LMO1: variants seen among roughly 807,000 people sequenced by gnomAD.
LMO1 encodes the protein rhombotin-1.
Under a neutral mutation model 18.0 loss-of-function variants are expected in LMO1, and 10 were observed. That is an observed-to-expected ratio of 0.55 (90% CI 0.34 to 0.94). LMO1 has a LOEUF of 0.94. Ranked by LOEUF, LMO1 falls within the 40% of genes least tolerant of loss-of-function variation. LMO1 has a pLI of 0.02. For missense variants in LMO1, 183 were observed against 205.7 expected (o/e 0.89, Z 0.68); for synonymous variants, 77 against 77.9 (o/e 0.99, Z 0.06).
rs1438623847 is a variant in LMO1 at position 8,224,456 on chromosome 11, TGGA to T, written c.*157_*159del. 1 of 590,378 alleles carries T rather than the reference TGGA, an allele frequency of 1.7e-6. No homozygotes were observed. 36.6% of individuals were successfully genotyped at this position (590,378 alleles called of 1,614,324 possible). On this transcript the variant is annotated 3_prime_UTR_variant, in exon 4 of 4. Coordinates refer to ENST00000335790, the MANE Select transcript of LMO1 (RefSeq NM_002315.3). ...GGGGTCACACACAGACGGGCGGTGGTGGAGGAGGAAGGGCCATCCCTCCCATCG... is the reference window on the plus strand; with the variant it reads ...GGGGTCACACACAGACGGGCGGTGGTGGAGGAAGGGCCATCCCTCCCATCG...
upstream of LMO1, among the ~76,000 whole-genome samples, chr11:8,266,512 C>T (rs1020301926): frequency 2.0e-5 from 3 of 152,180 alleles, no homozygotes; most frequent in Admixed American, 6.5e-5. Context: ...ACTCTCACTT[C>T]GACAAGCCAA....
At chr11:8,246,270 C>T (rs1846892413) in intron 1 of LMO1, among the ~76,000 whole-genome samples, 1 of 152,078 alleles carries the variant, frequency 6.6e-6, no homozygotes, top group Non-Finnish European at 1.5e-5. Flanking sequence ...CTCACAACAG[C>T]CAAAAAACAG....
At chr11:8,246,144 G>A (rs1846889609) in intron 1 of LMO1, among the ~76,000 whole-genome samples, 2 of 152,106 alleles carry the variant, frequency 1.3e-5, no homozygotes, top group African/African-American at 4.8e-5. Flanking sequence ...GAGATTTGGA[G>A]GGGACAAACA....
At chr11:8,229,344 G>C (rs1309672053) in intron 2 of LMO1, among the ~76,000 whole-genome samples, 1 of 152,156 alleles carries the variant, frequency 6.6e-6, no homozygotes, top group African/African-American at 2.4e-5. Context: ...GGGGAATTGA[G>C]GGAGCTTCCA....
chr11:8,241,792 AAAAAAAAAC>A (rs916653668), intron 1 of LMO1, among the ~76,000 whole-genome samples: 3 of 152,026 alleles, frequency 2.0e-5, no homozygotes, highest in African/African-American at 4.8e-5. Context: ...GTTTCAAAAA[AAAAAAAAAC>A]AAAAAAAAGT....
chr11:8,236,636 C>A (rs373280023), intron 1 of LMO1, among the ~76,000 whole-genome samples: 2 of 152,052 alleles, frequency 1.3e-5, no homozygotes, highest in Admixed American at 1.3e-4. Context: ...AGCATGCAGA[C>A]ACTCGCCACA....
chr11:8,268,392 C>A, upstream of LMO1: 3 of 1,460,862 alleles, frequency 2.1e-6, no homozygotes, highest in Non-Finnish European at 2.7e-6. Context: ...GTCCCGCGTG[C>A]CCCCGGGCAC....
intron 1 of LMO1, among the ~76,000 whole-genome samples, chr11:8,235,866 C>T (rs545896114): frequency 3.3e-5 from 5 of 152,346 alleles, no homozygotes; most frequent in South Asian, 2.1e-4. Context: ...CTAAGGGCCA[C>T]AGCAAAACGT....
chr11:8,229,232 C>G (rs1358633112), intron 2 of LMO1, among the ~76,000 whole-genome samples: 1 of 152,192 alleles, frequency 6.6e-6, no homozygotes. Context: ...AGCCTCTCCC[C>G]TCCAGCCCTG....
rs1847226131 is a variant in LMO1 at position 8,263,490 on chromosome 11, T to C, written c.-128A>G. 25 of 1,486,666 alleles carry C rather than the reference T, an allele frequency of 1.7e-5. No homozygotes were observed. Among genetic ancestry groups the C allele is most frequent in the Non-Finnish European group, 2.1e-5 (24 of 1,125,048 alleles). The allele number at this position is 1,486,666 out of a possible 1,614,324, so 92.1% of individuals were successfully genotyped here. A position where few individuals can be genotyped will look rare whatever the true frequency, so the allele number is the denominator to read the frequency against. ...CTCTAATTACCCGCTTGTCCGGCTC[T>C]TAACCTAGATTGCACTCAGCTAGAA... On this transcript the variant is annotated 5_prime_UTR_variant, in exon 1 of 4. Transcript: ENST00000335790.
intron 1 of LMO1, among the ~76,000 whole-genome samples, chr11:8,261,888 G>A (rs772514984): frequency 1.3e-5 from 2 of 152,086 alleles, no homozygotes; most frequent in Non-Finnish European, 2.9e-5. Flanking sequence ...TCCCACCCCA[G>A]CTAGCCCAGA....
chr11:8,236,064 T>C (rs1013038988), intron 1 of LMO1, among the ~76,000 whole-genome samples: 1 of 152,210 alleles, frequency 6.6e-6, no homozygotes, highest in Admixed American at 6.5e-5. Context: ...GAAGCCACCC[T>C]ATCTGTCCAA....
intron 1 of LMO1, among the ~76,000 whole-genome samples, chr11:8,240,841 G>A (rs931838185): frequency 6.6e-6 from 1 of 152,168 alleles, no homozygotes. Flanking sequence ...AGGCCTGGAT[G>A]TAATTCTGGA....
In LMO1 at chr11:8,263,420, G is replaced by A; in HGVS notation, c.-58C>T. ...TCGGCCGGGAGAAGGGCGCCGACTC[G>A]GGGCGCGCTTTGGAGGGGCGGCCGG... On this transcript the variant is annotated 5_prime_UTR_variant, in exon 1 of 4. Coordinates refer to ENST00000335790, the MANE Select transcript of LMO1 (RefSeq NM_002315.3). 2 of 1,589,614 alleles carry A rather than the reference G, an allele frequency of 1.3e-6. No individual in the cohort carries two copies. The highest frequency in any genetic ancestry group is 1.4e-5 in the African/African-American group (1 of 73,802).
At chr11:8,232,795 A>T (rs369700571) in intron 1 of LMO1, among the ~76,000 whole-genome samples, 4 of 152,134 alleles carry the variant, frequency 2.6e-5, no homozygotes, top group Non-Finnish European at 5.9e-5. Context: ...AGCCCACTAA[A>T]TTATAGCCCA....
At chr11:8,226,551 T>C (rs1006659110) in intron 3 of LMO1, among the ~76,000 whole-genome samples, 1 of 152,092 alleles carries the variant, frequency 6.6e-6, no homozygotes, top group Admixed American at 6.5e-5. Context: ...ACATGCATAC[T>C]CACCTCATCA....
At chr11:8,248,107 T>C (rs1267862306) in intron 1 of LMO1, among the ~76,000 whole-genome samples, 1 of 152,232 alleles carries the variant, frequency 6.6e-6, no homozygotes, top group African/African-American at 2.4e-5. Flanking sequence ...TAGAGCAAGA[T>C]TGCCCGTGAT....
upstream of LMO1, chr11:8,263,972 G>T (rs1047218722): frequency 4.7e-6 from 3 of 639,088 alleles, no homozygotes; most frequent in Non-Finnish European, 5.9e-6. Flanking sequence ...CGGCTGTCCG[G>T]CTCCGCAGCG....
chr11:8,245,082 G>A (rs2061037), intron 1 of LMO1, among the ~76,000 whole-genome samples: 77,679 of 152,090 alleles, frequency 0.51, 21,684 homozygotes, highest in African/African-American at 0.75. Flanking sequence ...TTGTGGTGCT[G>A]TAAGTTGTAA....
Sources: allele counts gnomAD v4.1 joint callset (sites outside exome capture counted in the v4.1 genomes callset), GRCh38; gene constraint gnomAD v4.1.1; transcripts MANE v1.5; gene names NCBI Gene and HGNC (gene_info 2026-07-23, HGNC 2026-07-21).